CADPS: variants seen among roughly 807,000 people sequenced by gnomAD.
The protein encoded by CADPS is calcium-dependent secretion activator 1.
In CADPS, 57 loss-of-function variants were observed where a neutral mutation model predicts 167.3. The observed-to-expected ratio is 0.34, with a 90% CI of 0.28 to 0.42. The LOEUF (loss-of-function observed/expected upper bound fraction) is 0.42, where lower values mean the gene tolerates loss of function less well. CADPS is among the 20% of genes least tolerant of loss of function. CADPS has a pLI of 1.00. For missense variants in CADPS, 1,414 were observed against 1,738.1 expected (o/e 0.81, Z 3.32); for synonymous variants, 676 against 635.3 (o/e 1.06, Z -0.96).
At chr3:62,440,989 C>A (rs2056213253) in intron 27 of CADPS, 1 of 152,076 alleles carries the variant, frequency 6.6e-6, no homozygotes, top group African/African-American at 2.4e-5. Context: ...ATAGTCAGTA[C>A]CCTGTTTAAA....
chr3:62,824,805 A>C (rs2152953865), intron 1 of CADPS, among the ~76,000 whole-genome samples: 1 of 152,252 alleles, frequency 6.6e-6, no homozygotes, highest in East Asian at 1.9e-4. Context: ...TTGCCTCTCT[A>C]ATGAGAGGTT....
chr3:62,822,069 C>T (rs954799190), intron 1 of CADPS, among the ~76,000 whole-genome samples: 6 of 152,184 alleles, frequency 3.9e-5, no homozygotes, highest in South Asian at 2.1e-4. Context: ...CTTGGAGTCT[C>T]TCTTTCTCTC....
chr3:62,566,781 G>A (rs1352561941), intron 9 of CADPS, among the ~76,000 whole-genome samples: 1 of 152,118 alleles, frequency 6.6e-6, no homozygotes, highest in African/African-American at 2.4e-5. Context: ...AGGTTGTTAA[G>A]GGAGAAATCT....
chr3:62,435,842 G>T (rs1291587238), intron 28 of CADPS, among the ~76,000 whole-genome samples: 1 of 152,078 alleles, frequency 6.6e-6, no homozygotes, highest in Admixed American at 6.6e-5. Flanking sequence ...GCTATTTTAT[G>T]CTGGTCAGTG....
chr3:62,670,015 C>T (rs984438099), intron 3 of CADPS, among the ~76,000 whole-genome samples: 3 of 152,098 alleles, frequency 2.0e-5, no homozygotes, highest in Non-Finnish European at 1.5e-5. Flanking sequence ...AGGGAATAAT[C>T]CTTAGGAAAA....
intron 3 of CADPS, among the ~76,000 whole-genome samples, chr3:62,744,842 T>C (rs1041264509): frequency 2.6e-5 from 4 of 152,238 alleles, no homozygotes; most frequent in Admixed American, 2.6e-4. Context: ...AGATGCAGGA[T>C]ACCCACTGTC....
At position 62,492,187 on chromosome 3, in the gene CADPS, A is replaced by G. The variant is rs1004463603; in HGVS notation, c.2884+103T>C. On this transcript the variant is annotated intron_variant, in intron 20 of 29. Transcript: ENST00000383710. ...GGGGTTAATCATAATAAAACCATGAAGAGCTATGTCAAGCCTGTAGTCTGC... is the reference window on the plus strand; with the variant it reads ...GGGGTTAATCATAATAAAACCATGAGGAGCTATGTCAAGCCTGTAGTCTGC... The G allele has an allele frequency of 8.6e-6, 8 of 935,294 alleles. No homozygotes were observed. In the African/African-American group the frequency reaches 1.2e-4, roughly 13 times the overall value. 57.9% of individuals were successfully genotyped at this position (935,294 alleles called of 1,614,324 possible).
intron 28 of CADPS, among the ~76,000 whole-genome samples, chr3:62,408,717 A>G (rs2048369971): frequency 1.3e-5 from 2 of 152,220 alleles, no homozygotes; most frequent in African/African-American, 4.8e-5. Context: ...CTACAAAGAC[A>G]TTACTGTTAA....
intron 16 of CADPS, 41 bp from the exon 17 acceptor site, chr3:62,512,809 A>G: frequency 6.4e-7 from 1 of 1,574,424 alleles, no homozygotes; most frequent in East Asian, 2.3e-5. Context: ...GAAGAGAGAG[A>G]AACAAGAACA....
chr3:62,772,241 T>C (rs1218213814), intron 1 of CADPS, among the ~76,000 whole-genome samples: 1 of 152,228 alleles, frequency 6.6e-6, no homozygotes, highest in Non-Finnish European at 1.5e-5. Context: ...TTTGAAGGTA[T>C]CACTGATGTG....
intron 1 of CADPS, among the ~76,000 whole-genome samples, chr3:62,831,132 A>G (rs941618425): frequency 1.3e-5 from 2 of 152,180 alleles, no homozygotes; most frequent in African/African-American, 4.8e-5. Flanking sequence ...CTTAAAACAG[A>G]CTACTCACTT....
intron 1 of CADPS, among the ~76,000 whole-genome samples, chr3:62,775,824 G>A (rs977031736): frequency 1.3e-4 from 20 of 152,142 alleles, no homozygotes; most frequent in African/African-American, 3.4e-4. Context: ...TTAAAAAGGT[G>A]TGTGCCCAAG....
At chr3:62,620,126 T>C (rs187077852) in intron 6 of CADPS, among the ~76,000 whole-genome samples, 191 of 152,282 alleles carry the variant, frequency 1.3e-3, no homozygotes, top group Non-Finnish European at 1.9e-3. Context: ...TCATTAGGTT[T>C]CATTTAACCG....
At chr3:62,839,142 A>C (rs1251271526) in intron 1 of CADPS, among the ~76,000 whole-genome samples, 1 of 152,224 alleles carries the variant, frequency 6.6e-6, no homozygotes, top group Admixed American at 6.5e-5. Flanking sequence ...ACATTTGTCC[A>C]GAAAAGCTTT....
chr3:62,757,738 C>T (rs2084339691), intron 2 of CADPS, among the ~76,000 whole-genome samples: 1 of 152,102 alleles, frequency 6.6e-6, no homozygotes, highest in African/African-American at 2.4e-5. Flanking sequence ...ATACCCAAGA[C>T]TGGGTAATTT....
intron 26 of CADPS, among the ~76,000 whole-genome samples, chr3:62,463,435 C>G (rs1328876849): frequency 6.6e-6 from 1 of 152,182 alleles, no homozygotes; most frequent in Non-Finnish European, 1.5e-5. Flanking sequence ...GCACTGAATT[C>G]TGTTTCTTTT....
intron 16 of CADPS, among the ~76,000 whole-genome samples, chr3:62,513,905 A>G (rs2068420341): frequency 6.6e-6 from 1 of 152,008 alleles, no homozygotes; most frequent in South Asian, 2.1e-4. Context: ...GTGAGTCACG[A>G]GAGAGATTGT....
intron 28 of CADPS, among the ~76,000 whole-genome samples, chr3:62,422,349 A>T (rs1354736356): frequency 6.6e-6 from 1 of 152,250 alleles, no homozygotes; most frequent in Admixed American, 6.5e-5. Flanking sequence ...GAAACAATGC[A>T]TATAGGCCAC....
intron 17 of CADPS, among the ~76,000 whole-genome samples, chr3:62,510,366 C>T (rs1317734949): frequency 6.6e-6 from 1 of 152,114 alleles, no homozygotes; most frequent in African/African-American, 2.4e-5. Context: ...CGTTATGATG[C>T]TCAGAAAATT....
Sources: allele counts gnomAD v4.1 joint callset (sites outside exome capture counted in the v4.1 genomes callset), GRCh38; gene constraint gnomAD v4.1.1; transcripts MANE v1.5; gene names NCBI Gene and HGNC (gene_info 2026-07-23, HGNC 2026-07-21).